TFAP4: variants seen among roughly 807,000 people sequenced by gnomAD.
The protein encoded by TFAP4 is transcription factor AP-4.
A neutral mutation model predicts 40.4 loss-of-function variants in TFAP4; 7 were observed. The observed-to-expected ratio is 0.17, with a 90% confidence interval of 0.10 to 0.33. The LOEUF is 0.33. Ranked by LOEUF, TFAP4 falls within the 10% of genes least tolerant of loss-of-function variation. The pLI, the probability that TFAP4 is intolerant of heterozygous loss-of-function variation, is 1.00. For synonymous variants in TFAP4, 218 were observed against 181.4 expected (o/e 1.20, Z -1.62); for missense variants, 374 against 451.1 (o/e 0.83, Z 1.55).
Position 4,269,806 on chromosome 16 carries a change from T to C in TFAP4, c.89+2852A>G, listed in dbSNP as rs540771763. ...GCCTGTGCGACAGAGTGAGAGTCCATCTCAAAACAAACAAACAAACAAACA... is the reference window on the plus strand; with the variant it reads ...GCCTGTGCGACAGAGTGAGAGTCCACCTCAAAACAAACAAACAAACAAACA... On this transcript the variant is annotated intron_variant, in intron 1 of 6. Coordinates refer to ENST00000204517, the MANE Select transcript of TFAP4 (RefSeq NM_003223.3). 2.0e-3 allele frequency among the ~76,000 whole-genome samples: 249 copies of C among 122,868 alleles called. 7 individuals carry two copies. In the East Asian group the frequency reaches 0.067, roughly 33 times the overall value. 80.6% of individuals were successfully genotyped at this position (122,868 alleles called of 152,430 possible). A position where few individuals can be genotyped will look rare whatever the true frequency, so the allele number is the denominator to read the frequency against.
chr16:4,263,590 C>G (rs2052966034), intron 1 of TFAP4: 1 of 152,442 alleles, frequency 6.6e-6, no homozygotes, highest in South Asian at 2.1e-4. Flanking sequence ...ACCACTCACT[C>G]CCCAAAAAGA....
chr16:4,265,608 T>TAAAAAA (rs1385138545), intron 1 of TFAP4: 1 of 11,846 alleles, frequency 8.4e-5, no homozygotes, highest in Non-Finnish European at 1.4e-4. Context: ...AGACCTTGTC[T>TAAAAAA]CAAAAAAAAA....
In TFAP4 at chr16:4,260,582, T is replaced by G. The variant is rs1176542888; in HGVS notation, c.539A>C (p.Glu180Ala). 4.4e-6 allele frequency: 7 copies of G among 1,605,388 alleles called. No individual in the cohort carries two copies. Among genetic ancestry groups the G allele is most frequent in the Non-Finnish European group, 5.9e-6 (7 of 1,176,682 alleles). The part of the protein sequence containing the change: ...MMLEEQVRSL[E>A]AHMYPEKLKV... ...GAGCTTTTCCGGGTACATGTGGGCC[T>G]CCAGCGAGCGCACCTGGAGGCAGGA... Residue 180 changes from glutamate (E) to alanine (A), a missense_variant, in exon 5 of 7, where the codon GAG becomes GCG. Physicochemically the swap from Glu to Ala is moderately radical, Grantham distance 107. Transcript: ENST00000204517.
chr16:4,258,031 G>A lies in TFAP4; in HGVS notation c.*24C>T. On this transcript the variant is annotated 3_prime_UTR_variant, in exon 7 of 7. Transcript: ENST00000204517. The stretch of plus-strand genomic sequence containing the variant: ...CCCCGGCTCCCTCCAGCCCCCAGAA[G>A]GGAGAGGAGGGCTGGGGGGGTAGTC... 1 of 1,601,438 alleles carries A rather than the reference G, an allele frequency of 6.2e-7. No individual in the cohort carries two copies. Among genetic ancestry groups the A allele is most frequent in the Non-Finnish European group, 8.5e-7 (1 of 1,175,836 alleles).
At chr16:4,262,234 G>A in intron 3 of TFAP4, 90 bp downstream of exon 3, 2 of 1,417,238 alleles carry the variant, frequency 1.4e-6, no homozygotes, top group Non-Finnish European at 2.0e-6. Context: ...GGCAAGAAGG[G>A]GCCTGCAGCC....
At chr16:4,263,760 G>C (rs2052967502) in intron 1 of TFAP4, 1 of 153,574 alleles carries the variant, frequency 6.5e-6, no homozygotes, top group Admixed American at 6.5e-5. Flanking sequence ...GGCAGCCTGG[G>C]GGAAGAGGGC....
chr16:4,271,234 T>A (rs972140257), intron 1 of TFAP4, among the ~76,000 whole-genome samples: 1 of 152,202 alleles, frequency 6.6e-6, no homozygotes, highest in Admixed American at 6.5e-5. Context: ...TGTCTACACG[T>A]GTGCAGCAAC....
At position 4,273,004 on chromosome 16, in the gene TFAP4, T is replaced by TGTGTGTGTGTGTGTGTGTGTGTGTGTG. The variant is rs2053053825; in HGVS notation, c.-259_-258insCACACACACACACACACACACACACAC. ...TGTGTGTGTGTGTGTGTGTGTGTGT[T>TGTGTGTGTGTGTGTGTGTGTGTGTGTG]TGCAGCTGATCAGATGTCTGTTTCA... On this transcript the variant is annotated 5_prime_UTR_variant, in exon 1 of 7. Transcript: ENST00000204517. The TGTGTGTGTGTGTGTGTGTGTGTGTGTG allele has an allele frequency of 3.1e-6, 1 of 327,350 alleles. No individual in the cohort carries two copies. The highest frequency in any genetic ancestry group is 2.9e-5 in the African/African-American group (1 of 35,076). 20.3% of individuals were successfully genotyped at this position (327,350 alleles called of 1,614,324 possible).
At position 4,260,593 on chromosome 16, in the gene TFAP4, C is replaced by T; in HGVS notation, c.528G>A (p.Val176=). Residue 176 remains valine (V), a splice_region_variant and synonymous_variant, in exon 5 of 7, where the codon GTG becomes GTA. Transcript: ENST00000204517. ...RSVRMMLEEQ[V]RSLEAHMYPE... Reference sequence around the variant, plus strand: ...GGTACATGTGGGCCTCCAGCGAGCGCACCTGGAGGCAGGACAACCTGGGCT... The same window carrying T: ...GGTACATGTGGGCCTCCAGCGAGCGTACCTGGAGGCAGGACAACCTGGGCT... 1 of 1,594,642 alleles carries T rather than the reference C, an allele frequency of 6.3e-7. No individual in the cohort carries two copies.
chr16:4,265,819 C>G (rs1319348560), intron 1 of TFAP4: 2 of 152,240 alleles, frequency 1.3e-5, no homozygotes, highest in South Asian at 4.1e-4. Flanking sequence ...CCAGACCTGG[C>G]ACAACAGCAA....
chr16:4,258,096 G>T lies in TFAP4; in HGVS notation c.976C>A (p.Gln326Lys). 7 of 1,613,570 alleles carry T rather than the reference G, an allele frequency of 4.3e-6. No homozygotes were observed. The highest frequency in any genetic ancestry group is 5.9e-6 in the Non-Finnish European group (7 of 1,179,900). Residue 326 changes from glutamine (Q) to lysine (K), a missense_variant, in exon 7 of 7, where the codon CAG becomes AAG. Around this residue, in one of 6 missense-constraint regions of TFAP4, gnomAD observed 93 missense variants for 79.2 expected, o/e 1.17. Coordinates refer to ENST00000204517, the MANE Select transcript of TFAP4 (RefSeq NM_003223.3). ...TCCCCCGACGGCTCCTCCCGGCTCT[G>T]GTCCATGGCGTCACTGTCTGAGGCC... ...SEASDSDAMD[Q>K]SREEPSGDGE...
intron 1 of TFAP4, among the ~76,000 whole-genome samples, chr16:4,271,250 C>G (rs2053037800): frequency 6.6e-6 from 1 of 152,244 alleles, no homozygotes; most frequent in Non-Finnish European, 1.5e-5. Context: ...GCAACCTTCC[C>G]TCCAGGCCGG....
chr16:4,257,311 TA>T lies in TFAP4; in HGVS notation c.*743del, dbSNP rs34634533. 67,251 of 114,620 alleles carry T rather than the reference TA, an allele frequency of 0.59. 17,714 individuals are homozygous for T. Among genetic ancestry groups the T allele is most frequent in the East Asian group, 0.69 (2,989 of 4,336 alleles). The allele number at this position is 114,620 out of a possible 1,614,324, so 7.1% of individuals were successfully genotyped here. ...CTTGAACACGAAGACCTCAAAATTG[TA>T]AAAAAAAAAAAAAAAGAAAGAAAAA... On this transcript the variant is annotated 3_prime_UTR_variant, in exon 7 of 7. Coordinates refer to ENST00000204517, the MANE Select transcript of TFAP4 (RefSeq NM_003223.3).
chr16:4,262,270 G>T, intron 3 of TFAP4, 54 bp downstream of exon 3: 1 of 1,576,282 alleles, frequency 6.3e-7, no homozygotes, highest in Non-Finnish European at 8.7e-7. Flanking sequence ...GCCCATGGCT[G>T]GGTCCAAGGC....
chr16:4,270,082 G>A (rs1488939962), intron 1 of TFAP4, among the ~76,000 whole-genome samples: 1 of 152,148 alleles, frequency 6.6e-6, no homozygotes, highest in Non-Finnish European at 1.5e-5. Context: ...CTACTTGGGA[G>A]GCTGAGGCAG....
At chr16:4,258,345 A>C in intron 6 of TFAP4, 96 bp from the exon 7 acceptor site, 5 of 1,220,434 alleles carry the variant, frequency 4.1e-6, no homozygotes, top group Non-Finnish European at 5.7e-6. Context: ...CACCCCCAAA[A>C]CACATAGCCC....
intron 1 of TFAP4, among the ~76,000 whole-genome samples, chr16:4,269,492 C>CAAAA (rs60856578): frequency 9.3e-5 from 4 of 43,216 alleles, no homozygotes; most frequent in Admixed American, 3.0e-4. Context: ...GACTCTGCCT[C>CAAAA]AAAAAAAAAA....
chr16:4,260,703 G>GC, intron 4 of TFAP4, 108 bp from the exon 5 acceptor site: 2 of 1,339,644 alleles, frequency 1.5e-6, no homozygotes, highest in East Asian at 2.7e-5. Flanking sequence ...CACAGGGCGG[G>GC]CCCCTCTCAA....
rs1326505312 is a variant in TFAP4 at position 4,262,533 on chromosome 16, C to T, written c.255+3G>A. ...CCAGGAAGCCCTCCCTGCTCTCACC[C>T]ACCTTGCTGAGCTTCTCTCCGTCTG... On this transcript the variant is annotated splice_donor_region_variant and intron_variant, in intron 2 of 6. Transcript: ENST00000204517. 2 of 1,612,480 alleles carry T rather than the reference C, an allele frequency of 1.2e-6. No homozygotes were observed. The highest frequency in any genetic ancestry group is 2.2e-5 in the East Asian group (1 of 44,896).
Sources: allele counts gnomAD v4.1 joint callset (sites outside exome capture counted in the v4.1 genomes callset), GRCh38; gene constraint gnomAD v4.1.1; regional missense constraint gnomAD v4.1.1; transcripts MANE v1.5; gene names NCBI Gene and HGNC (gene_info 2026-07-23, HGNC 2026-07-21).